RBFOX1: variants seen among roughly 807,000 people sequenced by gnomAD.
RBFOX1 encodes the protein RNA binding fox-1 homolog 1.
RBFOX1 carries 8 observed loss-of-function variants against 57.7 expected under a neutral mutation model. The ratio of observed to expected loss-of-function variants is 0.14; its 90% CI spans 0.08 to 0.25. The LOEUF is 0.25. Among genes scored for constraint, RBFOX1 ranks in the 10% least tolerant of loss-of-function variants. The pLI, the probability that RBFOX1 is intolerant of heterozygous loss-of-function variation, is 1.00. For synonymous variants in RBFOX1, 326 were observed against 222.4 expected (o/e 1.47, Z -4.15); for missense variants, 611 against 548.5 (o/e 1.11, Z -1.14).
intron 3 of RBFOX1, among the ~76,000 whole-genome samples, chr16:5,832,298 A>G (rs1428094305): frequency 6.6e-6 from 1 of 152,200 alleles, no homozygotes; most frequent in South Asian, 2.1e-4. Context: ...GCTAGTTCCA[A>G]ACCTTACTGG....
chr16:5,453,584 A>T (rs2068494118), intron 1 of RBFOX1, among the ~76,000 whole-genome samples: 3 of 152,154 alleles, frequency 2.0e-5, no homozygotes, highest in African/African-American at 2.4e-5. Context: ...CATGCATCAT[A>T]GGAGTCAATA....
chr16:7,570,365 C>T (rs1200855795), intron 5 of RBFOX1, among the ~76,000 whole-genome samples: 2 of 152,094 alleles, frequency 1.3e-5, no homozygotes, highest in East Asian at 1.9e-4. Context: ...TAATTATCCC[C>T]TCTCCCCTAC....
chr16:6,780,614 T>G (rs1335083242), intron 3 of RBFOX1, among the ~76,000 whole-genome samples: 1 of 144,514 alleles, frequency 6.9e-6, no homozygotes, highest in South Asian at 2.1e-4. Context: ...TGTTTTTTGT[T>G]TTTTAGTTGT....
At chr16:6,035,574 C>T (rs140577641) in intron 1 of RBFOX1, among the ~76,000 whole-genome samples, 6 of 152,136 alleles carry the variant, frequency 3.9e-5, no homozygotes, top group African/African-American at 1.2e-4. Context: ...CTTTTCTATT[C>T]CTGCATTTTC....
intron 4 of RBFOX1, among the ~76,000 whole-genome samples, chr16:7,121,778 A>G (rs1382059197): frequency 6.6e-6 from 1 of 152,032 alleles, no homozygotes; most frequent in South Asian, 2.1e-4. Context: ...TATCTAATTT[A>G]TTTTATATAA....
At chr16:6,758,128 A>G (rs572388570) in intron 3 of RBFOX1, among the ~76,000 whole-genome samples, 13 of 152,090 alleles carry the variant, frequency 8.5e-5, no homozygotes, top group Non-Finnish European at 1.9e-4. Flanking sequence ...ATGGGGATTC[A>G]TGATTTTGAA....
At position 5,628,308 on chromosome 16, in the gene RBFOX1, A is replaced by C. The variant is rs531706522; in HGVS notation, c.318+29347A>C. Among the ~76,000 whole-genome samples, 6 of 152,332 alleles carry C rather than the reference A, an allele frequency of 3.9e-5. No individual in the cohort carries two copies. In the East Asian group the frequency reaches 1.2e-3, roughly 29 times the overall value. On this transcript the variant is annotated intron_variant, in intron 3 of 19. Transcript: ENST00000641259. ...GATCCTACCTGTGATACCAATTATC[A>C]CAGACTAAATTCTTTTTCTTTTTCT...
intron 2 of RBFOX1, among the ~76,000 whole-genome samples, chr16:6,449,795 CA>C (rs1304441215): frequency 2.6e-5 from 4 of 152,158 alleles, no homozygotes; most frequent in African/African-American, 9.7e-5. Context: ...TGCAGCCTCC[CA>C]TCAGGTTCTT....
chr16:6,084,986 A>G (rs1194471078), intron 1 of RBFOX1, among the ~76,000 whole-genome samples: 2 of 152,160 alleles, frequency 1.3e-5, no homozygotes, highest in African/African-American at 2.4e-5. Context: ...CATTTGCAGA[A>G]GTGGTTTCCT....
intron 4 of RBFOX1, among the ~76,000 whole-genome samples, chr16:7,512,444 G>C (rs948161862): frequency 1.3e-5 from 2 of 152,184 alleles, no homozygotes; most frequent in African/African-American, 2.4e-5. Context: ...TTAAATATTA[G>C]CTGTAATTAG....
chr16:6,255,062 C>T (rs2097651850), intron 1 of RBFOX1, among the ~76,000 whole-genome samples: 1 of 152,104 alleles, frequency 6.6e-6, no homozygotes, highest in Non-Finnish European at 1.5e-5. Context: ...TCTTAAAGTT[C>T]AGCATCACAT....
intron 2 of RBFOX1, among the ~76,000 whole-genome samples, chr16:6,353,816 T>C (rs1284621385): frequency 6.6e-6 from 1 of 152,174 alleles, no homozygotes; most frequent in Non-Finnish European, 1.5e-5. Flanking sequence ...CCCTGTCTCT[T>C]AAGGCACAGT....
chr16:5,932,239 T>C (rs576988859), intron 4 of RBFOX1, among the ~76,000 whole-genome samples: 1 of 152,288 alleles, frequency 6.6e-6, no homozygotes, highest in East Asian at 1.9e-4. Context: ...TGAGAAGGTT[T>C]TGATGCACCG....
intron 3 of RBFOX1, among the ~76,000 whole-genome samples, chr16:6,946,330 G>T (rs975295512): frequency 2.0e-5 from 3 of 152,158 alleles, no homozygotes; most frequent in Non-Finnish European, 4.4e-5. Context: ...TACAAAAATA[G>T]TCAGTGGGCC....
At chr16:5,766,892 C>G (rs1327150135) in intron 3 of RBFOX1, among the ~76,000 whole-genome samples, 1 of 152,214 alleles carries the variant, frequency 6.6e-6, no homozygotes, top group South Asian at 2.1e-4. Flanking sequence ...TTGCAAAGTC[C>G]TCTCATTTTT....
intron 4 of RBFOX1, among the ~76,000 whole-genome samples, chr16:7,430,659 CAAA>C (rs35088351): frequency 1.4e-5 from 2 of 138,790 alleles, no homozygotes; most frequent in Admixed American, 7.2e-5. Context: ...GACTCCATCT[CAAA>C]AAAAAAAAAA....
chr16:5,307,277 T>C (rs2063962779), intron 1 of RBFOX1, among the ~76,000 whole-genome samples: 1 of 152,210 alleles, frequency 6.6e-6, no homozygotes, highest in South Asian at 2.1e-4. Flanking sequence ...GAGACTTTTC[T>C]GGCACTCAGG....
chr16:6,981,453 C>T (rs928965018), intron 3 of RBFOX1, among the ~76,000 whole-genome samples: 1 of 152,128 alleles, frequency 6.6e-6, no homozygotes, highest in Non-Finnish European at 1.5e-5. Flanking sequence ...GCATAGTATT[C>T]CATGGTGTGT....
At chr16:6,003,805 G>T (rs1442276042) in intron 4 of RBFOX1, among the ~76,000 whole-genome samples, 1 of 152,212 alleles carries the variant, frequency 6.6e-6, no homozygotes, top group East Asian at 1.9e-4. Flanking sequence ...GTGGTCAAAT[G>T]AGTGAGGAGG....
Sources: allele counts gnomAD v4.1 joint callset (sites outside exome capture counted in the v4.1 genomes callset), GRCh38; gene constraint gnomAD v4.1.1; transcripts MANE v1.5; gene names NCBI Gene and HGNC (gene_info 2026-07-23, HGNC 2026-07-21).